ZNF609: variants seen among roughly 807,000 people sequenced by gnomAD.
ZNF609 encodes the protein zinc finger protein 609.
A neutral mutation model predicts 109.5 loss-of-function variants in ZNF609; 11 were observed. The observed-to-expected ratio is 0.10, with a 90% CI of 0.06 to 0.17. The LOEUF (loss-of-function observed/expected upper bound fraction) is 0.17. ZNF609 is among the 10% of genes least tolerant of loss of function. The pLI is 1.00. For synonymous variants in ZNF609, 646 were observed against 662.0 expected, an observed-to-expected ratio of 0.98 and a Z score of 0.37; for missense variants, 1,559 against 1,772.4, an observed-to-expected ratio of 0.88 and a Z score of 2.16.
At chr15:64,603,971 C>T (rs1215871377) in intron 2 of ZNF609, among the ~76,000 whole-genome samples, 1 of 145,314 alleles carries the variant, frequency 6.9e-6, no homozygotes, top group Admixed American at 7.0e-5. Context: ...ACAGTCCAGC[C>T]TGGGAGACAG....
intron 3 of ZNF609, chr15:64,654,312 C>G (rs1337570394): frequency 1.3e-5 from 2 of 152,182 alleles, no homozygotes; most frequent in Non-Finnish European, 2.9e-5. Flanking sequence ...GCTGGGATTA[C>G]AGGCACGAGC....
At chr15:64,598,642 A>T (rs773147076) in intron 2 of ZNF609, among the ~76,000 whole-genome samples, 2 of 150,628 alleles carry the variant, frequency 1.3e-5, no homozygotes, top group African/African-American at 4.9e-5. Flanking sequence ...GATCTATGCT[A>T]TGATGGACCT....
intron 1 of ZNF609, among the ~76,000 whole-genome samples, chr15:64,493,594 A>G (rs1039159682): frequency 3.3e-5 from 5 of 152,204 alleles, no homozygotes; most frequent in Admixed American, 6.5e-5. Flanking sequence ...CAAAACACAG[A>G]TAGTACTGAC....
At chr15:64,654,607 G>A (rs1012031265) in intron 3 of ZNF609, among the ~76,000 whole-genome samples, 8 of 151,976 alleles carry the variant, frequency 5.3e-5, no homozygotes, top group South Asian at 2.1e-4. Context: ...TTATTTCTGC[G>A]TGTGTTTATC....
intron 2 of ZNF609, chr15:64,528,589 G>T: frequency 1.5e-6 from 1 of 657,772 alleles, no homozygotes; most frequent in South Asian, 1.6e-5. Context: ...GTGGGGGACT[G>T]ATTATGGCAG....
At chr15:64,570,025 T>G (rs1894836927) in intron 2 of ZNF609, among the ~76,000 whole-genome samples, 1 of 152,206 alleles carries the variant, frequency 6.6e-6, no homozygotes, top group Non-Finnish European at 1.5e-5. Flanking sequence ...AACTCTTTCT[T>G]TCTTACTTTT....
chr15:64,489,918 C>G (rs1893388268), intron 1 of ZNF609, among the ~76,000 whole-genome samples: 1 of 151,896 alleles, frequency 6.6e-6, no homozygotes, highest in Non-Finnish European at 1.5e-5. Context: ...ACATAGCCAT[C>G]CAATTATGAG....
At position 64,540,984 on chromosome 15, in the gene ZNF609, C is replaced by T. The variant is rs543966852; in HGVS notation, c.747+40818C>T. On this transcript the variant is annotated intron_variant, in intron 2 of 9. Coordinates refer to ENST00000326648, the MANE Select transcript of ZNF609 (RefSeq NM_015042.2). ...CGGAGCTTGCAGTGAGCCGGGATCGCGCCACTGCACTCCAGCCTGGGCGAC... is the reference window on the plus strand; with the variant it reads ...CGGAGCTTGCAGTGAGCCGGGATCGTGCCACTGCACTCCAGCCTGGGCGAC... 2.4e-3 allele frequency among the ~76,000 whole-genome samples: 340 copies of T among 142,416 alleles called. 1 individual carries two copies. The highest frequency in any genetic ancestry group is 8.6e-3 in the African/African-American group (327 of 38,152). 93.4% of individuals were successfully genotyped at this position (142,416 alleles called of 152,430 possible). A position where few individuals can be genotyped will look rare whatever the true frequency, so the allele number is the denominator to read the frequency against.
intron 3 of ZNF609, among the ~76,000 whole-genome samples, chr15:64,648,390 G>A (rs1343135564): frequency 6.6e-6 from 1 of 152,118 alleles, no homozygotes; most frequent in Non-Finnish European, 1.5e-5. Flanking sequence ...TATTTGGGAG[G>A]CTGAGGTGGG....
At chr15:64,554,773 T>TA in intron 2 of ZNF609, among the ~76,000 whole-genome samples, 1 of 152,232 alleles carries the variant, frequency 6.6e-6, no homozygotes, top group East Asian at 1.9e-4. Flanking sequence ...AACCTTTTTA[T>TA]ATATTCTTGG....
intron 1 of ZNF609, among the ~76,000 whole-genome samples, chr15:64,478,897 A>G (rs892544154): frequency 6.6e-6 from 1 of 152,232 alleles, no homozygotes; most frequent in Non-Finnish European, 1.5e-5. Flanking sequence ...TAAAGCCAGC[A>G]GCTGTTAATC....
At chr15:64,618,625 A>T (rs1034752876) in intron 2 of ZNF609, among the ~76,000 whole-genome samples, 2 of 152,020 alleles carry the variant, frequency 1.3e-5, no homozygotes, top group Non-Finnish European at 2.9e-5. Flanking sequence ...GCCAGAAGGG[A>T]GATGGTTTTC....
At chr15:64,516,089 G>A (rs1470831987) in intron 2 of ZNF609, among the ~76,000 whole-genome samples, 1 of 152,050 alleles carries the variant, frequency 6.6e-6, no homozygotes, top group Non-Finnish European at 1.5e-5. Context: ...GAAAAGTCAG[G>A]GAAGATAGTT....
intron 2 of ZNF609, among the ~76,000 whole-genome samples, chr15:64,508,791 T>C (rs1186535412): frequency 6.6e-6 from 1 of 151,224 alleles, no homozygotes; most frequent in Non-Finnish European, 1.5e-5. Context: ...CATGCTCAAG[T>C]GATTCTCCTA....
At chr15:64,549,531 G>T (rs28618115) in intron 2 of ZNF609, among the ~76,000 whole-genome samples, 1 of 152,130 alleles carries the variant, frequency 6.6e-6, no homozygotes, top group Non-Finnish European at 1.5e-5. Context: ...TAATGATGTA[G>T]GTACTATTAA....
Position 64,675,416 on chromosome 15 carries a change from T to A in ZNF609, c.2562T>A (p.Asp854Glu). ...AYSDISDAGE[D>E]GEGKVDSVKS... ...CTGACATCTCTGATGCTGGGGAGGA[T>A]GGGGAGGGCAAGGTAGACAGTGTCA... Residue 854 changes from aspartate (D) to glutamate (E), a missense_variant, in exon 5 of 10, where the codon GAT becomes GAA. Coordinates refer to ENST00000326648, the MANE Select transcript of ZNF609 (RefSeq NM_015042.2). 6.2e-7 allele frequency: 1 copy of A among 1,614,052 alleles called. No individual in the cohort carries two copies. The highest frequency in any genetic ancestry group is 1.1e-5 in the South Asian group (1 of 91,076).
intron 2 of ZNF609, among the ~76,000 whole-genome samples, chr15:64,553,270 A>C (rs7182629): frequency 0.069 from 6,515 of 94,390 alleles, 432 homozygotes; most frequent in African/African-American, 0.31. Context: ...TCCATGCCTT[A>C]AAAAAAAAAA....
chr15:64,538,493 GT>G (rs1056474022), intron 2 of ZNF609, among the ~76,000 whole-genome samples: 8 of 152,150 alleles, frequency 5.3e-5, no homozygotes, highest in African/African-American at 1.9e-4. Flanking sequence ...AGAGAGTTTA[GT>G]TTTTAAAAGT....
intron 2 of ZNF609, among the ~76,000 whole-genome samples, chr15:64,615,220 G>A (rs1323333767): frequency 6.6e-6 from 1 of 151,970 alleles, no homozygotes; most frequent in Non-Finnish European, 1.5e-5. Flanking sequence ...CAACCTTCTG[G>A]TTGCAATCCT....
Sources: allele counts gnomAD v4.1 joint callset (sites outside exome capture counted in the v4.1 genomes callset), GRCh38; gene constraint gnomAD v4.1.1; transcripts MANE v1.5; gene names NCBI Gene and HGNC (gene_info 2026-07-23, HGNC 2026-07-21).